The following CACNA2D3 variants were observed in gnomAD, a reference collection of about 807,000 sequenced individuals.
CACNA2D3 encodes the protein calcium voltage-gated channel auxiliary subunit alpha2delta 3.
CACNA2D3 carries 60 observed loss-of-function variants against 160.6 expected under a neutral mutation model. The ratio of observed to expected loss-of-function variants is 0.37; its 90% confidence interval spans 0.30 to 0.46. The LOEUF (loss-of-function observed/expected upper bound fraction) is 0.46, where lower values mean the gene tolerates loss of function less well. Ranked by LOEUF, CACNA2D3 falls within the 20% of genes least tolerant of loss-of-function variation. The probability of loss-of-function intolerance (pLI) is 1.00; values close to 1 mark genes in which losing one functional copy is unlikely to be tolerated. For synonymous variants in CACNA2D3, 558 were observed against 492.9 expected (o/e 1.13, Z -1.75); for missense variants, 1,205 against 1,365.0 (o/e 0.88, Z 1.85).
chr3:54,618,352 C>CATAT (rs140732966), intron 9 of CACNA2D3, among the ~76,000 whole-genome samples: 1,715 of 119,828 alleles, frequency 0.014, 53 homozygotes, highest in East Asian at 0.04. Flanking sequence ...TTGATACATA[C>CATAT]ATATATATAT....
intron 5 of CACNA2D3, among the ~76,000 whole-genome samples, chr3:54,519,607 G>A (rs1428547331): frequency 1.3e-5 from 2 of 152,176 alleles, no homozygotes; most frequent in African/African-American, 4.8e-5. Flanking sequence ...CCTATTCTAA[G>A]CAGTGCCTTT....
intron 2 of CACNA2D3, among the ~76,000 whole-genome samples, chr3:54,189,986 G>A (rs1700950248): frequency 6.6e-6 from 1 of 152,226 alleles, no homozygotes; most frequent in African/African-American, 2.4e-5. Context: ...CACAGACTGA[G>A]TAGCTTATAA....
At chr3:54,238,723 C>T (rs1701926289) in intron 2 of CACNA2D3, among the ~76,000 whole-genome samples, 1 of 152,158 alleles carries the variant, frequency 6.6e-6, no homozygotes, top group South Asian at 2.1e-4. Context: ...TTTGCAAGAG[C>T]TGCTATGAAG....
intron 27 of CACNA2D3, among the ~76,000 whole-genome samples, chr3:54,966,041 C>T (rs1408068701): frequency 6.6e-6 from 1 of 152,100 alleles, no homozygotes; most frequent in Admixed American, 6.5e-5. Flanking sequence ...CAGATGAGAA[C>T]AGACTGCAAG....
intron 29 of CACNA2D3, among the ~76,000 whole-genome samples, chr3:54,974,633 C>A (rs1008666621): frequency 6.6e-6 from 1 of 152,214 alleles, no homozygotes; most frequent in Non-Finnish European, 1.5e-5. Context: ...CTGAGTAATA[C>A]GGAGCCATCC....
At chr3:54,711,507 T>C (rs1182338019) in intron 11 of CACNA2D3, among the ~76,000 whole-genome samples, 1 of 152,312 alleles carries the variant, frequency 6.6e-6, no homozygotes, top group East Asian at 1.9e-4. Context: ...CTTTTTATCT[T>C]ATAAAAGAGG....
At chr3:54,527,433 T>C (rs1382132276) in intron 5 of CACNA2D3, among the ~76,000 whole-genome samples, 3 of 152,138 alleles carry the variant, frequency 2.0e-5, no homozygotes, top group Non-Finnish European at 2.9e-5. Context: ...GATTCTCTCT[T>C]AGTGACATGT....
intron 9 of CACNA2D3, among the ~76,000 whole-genome samples, chr3:54,598,846 G>T (rs951223619): frequency 1.3e-5 from 2 of 152,166 alleles, no homozygotes; most frequent in African/African-American, 4.8e-5. Flanking sequence ...GTAAAATGCG[G>T]TGAAATTACC....
chr3:54,669,735 C>T (rs534080705), intron 11 of CACNA2D3, among the ~76,000 whole-genome samples: 1 of 150,688 alleles, frequency 6.6e-6, no homozygotes, highest in South Asian at 2.1e-4. Context: ...GACTGGGGCT[C>T]TTTAAAAAAA....
intron 27 of CACNA2D3, among the ~76,000 whole-genome samples, chr3:54,914,629 G>A (rs1700623653): frequency 6.6e-6 from 1 of 152,224 alleles, no homozygotes; most frequent in Non-Finnish European, 1.5e-5. Flanking sequence ...TGAAAGGGAA[G>A]TGGTTGATTA....
At chr3:54,451,459 A>G (rs1700307566) in intron 4 of CACNA2D3, among the ~76,000 whole-genome samples, 1 of 151,914 alleles carries the variant, frequency 6.6e-6, no homozygotes, top group Admixed American at 6.6e-5. Context: ...ACAAATGTCA[A>G]GTGGATTCAT....
At chr3:54,861,494 C>T (rs1423062593) in intron 17 of CACNA2D3, among the ~76,000 whole-genome samples, 5 of 152,078 alleles carry the variant, frequency 3.3e-5, no homozygotes, top group African/African-American at 7.2e-5. Context: ...CTGTTGGGTG[C>T]CATCACCTAG....
chr3:54,838,153 C>G (rs377347887), intron 15 of CACNA2D3, among the ~76,000 whole-genome samples: 1 of 152,170 alleles, frequency 6.6e-6, no homozygotes, highest in Non-Finnish European at 1.5e-5. Flanking sequence ...CTCCTGGGCA[C>G]CAGATGGCAG....
intron 5 of CACNA2D3, among the ~76,000 whole-genome samples, chr3:54,550,089 C>A (rs1039268073): frequency 2.0e-5 from 3 of 152,106 alleles, no homozygotes; most frequent in African/African-American, 7.2e-5. Flanking sequence ...TGTCCCCCCG[C>A]CCCCACAGAG....
At chr3:54,400,273 G>A (rs543897080) in intron 4 of CACNA2D3, among the ~76,000 whole-genome samples, 3 of 151,742 alleles carry the variant, frequency 2.0e-5, no homozygotes, top group East Asian at 2.0e-4. Flanking sequence ...TGTCGCTCAC[G>A]CTGGGAGCTG....
intron 12 of CACNA2D3, among the ~76,000 whole-genome samples, chr3:54,762,062 G>T (rs1702090060): frequency 6.6e-6 from 1 of 152,130 alleles, no homozygotes; most frequent in South Asian, 2.1e-4. Flanking sequence ...ATGAGCCTAG[G>T]ATCCTTATTT....
At chr3:54,170,958 T>G (rs1418577563) in intron 2 of CACNA2D3, among the ~76,000 whole-genome samples, 1 of 151,590 alleles carries the variant, frequency 6.6e-6, no homozygotes, top group Non-Finnish European at 1.5e-5. Context: ...ATCAGAGACC[T>G]TATGTATTGA....
intron 3 of CACNA2D3, among the ~76,000 whole-genome samples, chr3:54,367,369 C>T (rs887610611): frequency 1.3e-5 from 2 of 152,152 alleles, no homozygotes; most frequent in Admixed American, 6.5e-5. Context: ...CTCTGGCCAT[C>T]GGCACTTAAA....
intron 6 of CACNA2D3, among the ~76,000 whole-genome samples, chr3:54,568,914 G>A (rs1323301591): frequency 6.6e-6 from 1 of 152,012 alleles, no homozygotes; most frequent in African/African-American, 2.4e-5. Context: ...ATTGTTAATC[G>A]GAAAAAAAGA....
Sources: allele counts gnomAD v4.1 joint callset (sites outside exome capture counted in the v4.1 genomes callset), GRCh38; gene constraint gnomAD v4.1.1; transcripts MANE v1.5; gene names NCBI Gene and HGNC (gene_info 2026-07-23, HGNC 2026-07-21).